ATG7: variants seen among roughly 807,000 people sequenced by gnomAD.
The protein encoded by ATG7 is ubiquitin-like modifier-activating enzyme ATG7.
ATG7 carries 70 observed loss-of-function variants against 82.4 expected under a neutral mutation model. The observed-to-expected ratio is 0.85, with a 90% CI of 0.70 to 1.04. The LOEUF is 1.04. ATG7 is among the 50% of genes least tolerant of loss of function. ATG7 has a pLI of 0.00. For missense variants in ATG7, 792 were observed against 864.3 expected (o/e 0.92, Z 1.05); for synonymous variants, 287 against 313.0 (o/e 0.92, Z 0.88).
intron 20 of ATG7, among the ~76,000 whole-genome samples, chr3:11,505,131 C>G (rs1417457722): frequency 6.6e-6 from 1 of 152,098 alleles, no homozygotes; most frequent in Non-Finnish European, 1.5e-5. Context: ...TCATAACAAG[C>G]CTTGGAATTA....
chr3:11,358,343 CTG>C, intron 14 of ATG7, 73 bp from the exon 15 acceptor site: 1 of 1,431,626 alleles, frequency 7.0e-7, no homozygotes, highest in Non-Finnish European at 9.6e-7. Context: ...GTGCAGGCAG[CTG>C]TGGGAAGTGT....
intron 19 of ATG7, among the ~76,000 whole-genome samples, chr3:11,387,020 C>T (rs981851088): frequency 2.0e-5 from 3 of 152,242 alleles, no homozygotes; most frequent in African/African-American, 7.2e-5. Flanking sequence ...AGGGAAATTG[C>T]AATGGCTGAC....
chr3:11,440,488 C>A (rs2083804314), intron 20 of ATG7, among the ~76,000 whole-genome samples: 1 of 148,652 alleles, frequency 6.7e-6, no homozygotes, highest in Non-Finnish European at 1.5e-5. Context: ...CTACGCCCGG[C>A]TAATTTTTTG....
chr3:11,516,814 G>A (rs1259272267), intron 20 of ATG7, among the ~76,000 whole-genome samples: 6 of 152,204 alleles, frequency 3.9e-5, no homozygotes, highest in African/African-American at 1.4e-4. Flanking sequence ...TTGGCGCAGT[G>A]GCTCACACCT....
At chr3:11,451,931 C>T (rs180930788) in intron 20 of ATG7, among the ~76,000 whole-genome samples, 19 of 150,310 alleles carry the variant, frequency 1.3e-4, no homozygotes, top group African/African-American at 4.7e-4. Flanking sequence ...ATACATATCT[C>T]TTAAATGAGA....
At chr3:11,504,093 C>T (rs148962122) in intron 20 of ATG7, among the ~76,000 whole-genome samples, 2 of 152,076 alleles carry the variant, frequency 1.3e-5, no homozygotes, top group Non-Finnish European at 2.9e-5. Context: ...TGAGACTAGA[C>T]CAACACTAAG....
At chr3:11,559,581 ACTT>A, downstream of ATG7, 1 of 1,344,130 alleles carries the variant, frequency 7.4e-7, no homozygotes, top group East Asian at 2.8e-5. Context: ...GCCACCTCCC[ACTT>A]CAATACTGGA....
intron 6 of ATG7, 154 bp from the exon 7 acceptor site, chr3:11,308,830 G>T: frequency 1.4e-6 from 1 of 699,442 alleles, no homozygotes. Flanking sequence ...GAAGTCGGCA[G>T]AGTGAGGTAA....
chr3:11,402,753 T>C (rs2079956538), intron 19 of ATG7, among the ~76,000 whole-genome samples: 1 of 152,214 alleles, frequency 6.6e-6, no homozygotes, highest in African/African-American at 2.4e-5. Flanking sequence ...AGGTCTTCAG[T>C]GGTCTTTTTA....
rs1040092918 is a variant in ATG7, at chr3:11,543,077, G to A, written c.2080-11734G>A. 3.3e-5 allele frequency among the ~76,000 whole-genome samples: 5 copies of A among 152,190 alleles called. No individual in the cohort carries two copies. The South Asian group carries it at 6.2e-4, about 19-fold the overall frequency. ...GCTGCACAGGCCACAGTTAGATGGC[G>A]GCGTCCTCCAACCGACCCCACGGTG... On this transcript the variant is annotated intron_variant, in intron 20 of 20. Coordinates refer to ENST00000693202, the MANE Select transcript of ATG7 (RefSeq NM_001349232.2).
intron 20 of ATG7, among the ~76,000 whole-genome samples, chr3:11,521,391 G>A (rs537013970): frequency 1.6e-4 from 25 of 152,262 alleles, no homozygotes; most frequent in Non-Finnish European, 3.5e-4. Flanking sequence ...TGAGGGAGGG[G>A]TATGTGGTGG....
At chr3:11,360,132 A>G (rs2076194518) in intron 15 of ATG7, among the ~76,000 whole-genome samples, 1 of 152,168 alleles carries the variant, frequency 6.6e-6, no homozygotes, top group South Asian at 2.1e-4. Flanking sequence ...TGCAAACTCC[A>G]TCTCCCAGGT....
At chr3:11,321,991 T>C (rs1950276907) in intron 9 of ATG7, among the ~76,000 whole-genome samples, 1 of 152,136 alleles carries the variant, frequency 6.6e-6, no homozygotes. Context: ...TTGGCAGGGT[T>C]GCCAGTTCAG....
At chr3:11,528,425 G>A (rs2092628723) in intron 20 of ATG7, among the ~76,000 whole-genome samples, 1 of 152,126 alleles carries the variant, frequency 6.6e-6, no homozygotes, top group African/African-American at 2.4e-5. Context: ...CCTCCTATGT[G>A]TCAGCCATCA....
chr3:11,278,247 G>T (rs373714069), intron 1 of ATG7, among the ~76,000 whole-genome samples: 1 of 152,100 alleles, frequency 6.6e-6, no homozygotes, highest in Non-Finnish European at 1.5e-5. Context: ...TTAAAGACAG[G>T]CATAAGAAAT....
intron 19 of ATG7, among the ~76,000 whole-genome samples, chr3:11,423,227 C>T (rs1219389758): frequency 6.6e-6 from 1 of 152,166 alleles, no homozygotes; most frequent in Non-Finnish European, 1.5e-5. Flanking sequence ...GGTCAGAACA[C>T]ATACTACATT....
At chr3:11,368,726 A>G (rs1439415361) in intron 18 of ATG7, among the ~76,000 whole-genome samples, 2 of 127,842 alleles carry the variant, frequency 1.6e-5, no homozygotes, top group Non-Finnish European at 3.4e-5. Context: ...TAAGAGAGGG[A>G]GTCCCTGTCT....
At chr3:11,275,219 C>G (rs1287655116) in intron 1 of ATG7, among the ~76,000 whole-genome samples, 1 of 152,128 alleles carries the variant, frequency 6.6e-6, no homozygotes, top group African/African-American at 2.4e-5. Flanking sequence ...TGAGCAGTAA[C>G]AAAATTCTTT....
At chr3:11,330,237 T>C (rs1951455895) in intron 9 of ATG7, among the ~76,000 whole-genome samples, 1 of 152,204 alleles carries the variant, frequency 6.6e-6, no homozygotes, top group African/African-American at 2.4e-5. Context: ...TAATTCCAGC[T>C]ACCTTTAAGG....
Sources: gnomAD v4.1 joint callset for allele counts (sites outside exome capture counted in the v4.1 genomes callset) on GRCh38, gnomAD v4.1.1 for gene constraint, MANE v1.5 for transcripts, NCBI Gene and HGNC (gene_info 2026-07-23, HGNC 2026-07-21) for gene names.